CDYL: variants seen among roughly 807,000 people sequenced by gnomAD.
The protein encoded by CDYL is chromodomain Y-like protein.
In CDYL, 8 loss-of-function variants were observed where a neutral mutation model predicts 47.3. The ratio of observed to expected loss-of-function variants is 0.17; its 90% CI spans 0.10 to 0.31. The LOEUF (loss-of-function observed/expected upper bound fraction) is 0.31, where lower values mean the gene tolerates loss of function less well. Ranked by LOEUF, CDYL falls within the 10% of genes least tolerant of loss-of-function variation. The pLI, the probability that CDYL is intolerant of heterozygous loss-of-function variation, is 1.00. For missense variants in CDYL, 471 were observed against 701.4 expected, an observed-to-expected ratio of 0.67 and a Z score of 3.71; for synonymous variants, 266 against 265.0, an observed-to-expected ratio of 1.00 and a Z score of -0.04.
chr6:4,874,724 C>T (rs1447152981), intron 1 of CDYL, among the ~76,000 whole-genome samples: 12 of 152,230 alleles, frequency 7.9e-5, no homozygotes, highest in Non-Finnish European at 1.8e-4. Context: ...GGGCTCCCAT[C>T]GCCCCATCAC....
chr6:4,762,522 T>G (rs1223873011), intron 3 of CDYL, among the ~76,000 whole-genome samples: 1 of 151,136 alleles, frequency 6.6e-6, no homozygotes, highest in Non-Finnish European at 1.5e-5. Context: ...GACTTCAAAC[T>G]AATGATCTTA....
chr6:4,746,435 A>G (rs1384577641), intron 3 of CDYL, among the ~76,000 whole-genome samples: 3 of 152,150 alleles, frequency 2.0e-5, no homozygotes, highest in Non-Finnish European at 4.4e-5. Context: ...AATGAAGGAA[A>G]TCAATGAGTC....
intron 1 of CDYL, among the ~76,000 whole-genome samples, chr6:4,887,831 ATTCCT>A (rs1284496738): frequency 6.8e-6 from 1 of 147,546 alleles, no homozygotes; most frequent in Non-Finnish European, 1.5e-5. Context: ...TTTTTCATAG[ATTCCT>A]TTTATTAAGT....
At position 4,915,042 on chromosome 6, in the gene CDYL, T is replaced by C. The variant is rs191437161; in HGVS notation, c.692-20473T>C. On this transcript the variant is annotated intron_variant, in intron 2 of 6. Transcript: ENST00000397588. ...GAACACACATCTCTGTCTTGTGTGC[T>C]GGGGCTGGCCCAACCTCGTAGATCA... Among the ~76,000 whole-genome samples, 493 of 152,354 alleles carry C rather than the reference T, an allele frequency of 3.2e-3. 1 individual carries two copies. Among genetic ancestry groups the C allele is most frequent in the African/African-American group, 0.011 (477 of 41,586 alleles).
chr6:4,883,193 A>G lies in CDYL; in HGVS notation c.25-8520A>G, dbSNP rs571257105. 2.2e-3 allele frequency among the ~76,000 whole-genome samples: 332 copies of G among 152,304 alleles called. 1 individual carries two copies. The highest frequency in any genetic ancestry group is 7.4e-3 in the African/African-American group (307 of 41,558). On this transcript the variant is annotated intron_variant, in intron 1 of 6. Transcript: ENST00000397588. The stretch of plus-strand genomic sequence containing the variant: ...ATTTTGTCCTGGTGGAAGGAGAGCA[A>G]CAATGCTAGTACCTAGGGAAGTGGG...
intron 1 of CDYL, among the ~76,000 whole-genome samples, chr6:4,806,275 A>G (rs1759367753): frequency 6.6e-6 from 1 of 152,224 alleles, no homozygotes; most frequent in African/African-American, 2.4e-5. Flanking sequence ...AGCGTCACCC[A>G]GGATTTCAGA....
At chr6:4,910,171 T>C (rs952010627) in intron 2 of CDYL, among the ~76,000 whole-genome samples, 1 of 152,172 alleles carries the variant, frequency 6.6e-6, no homozygotes, top group African/African-American at 2.4e-5. Flanking sequence ...GCATGCTTAA[T>C]GTGTTGGTTT....
chr6:4,951,916 A>G (rs809476), intron 5 of CDYL, among the ~76,000 whole-genome samples: 146,049 of 152,238 alleles, frequency 0.96, 70,338 homozygotes, highest in East Asian at 1. Context: ...AAGGCAGATG[A>G]GAGGAGAGGA....
intron 1 of CDYL, among the ~76,000 whole-genome samples, chr6:4,854,024 T>C (rs1760930894): frequency 6.6e-6 from 1 of 152,258 alleles, no homozygotes; most frequent in African/African-American, 2.4e-5. Context: ...CTCCTGCTCG[T>C]GGTGAGTCCC....
chr6:4,840,635 T>G (rs956731404), intron 1 of CDYL, among the ~76,000 whole-genome samples: 5 of 152,200 alleles, frequency 3.3e-5, no homozygotes, highest in African/African-American at 1.2e-4. Flanking sequence ...CAAATGCTTT[T>G]TCTGCTCTAT....
chr6:4,889,866 GC>G, intron 1 of CDYL: 1 of 610,140 alleles, frequency 1.6e-6, no homozygotes, highest in Non-Finnish European at 2.1e-6. Context: ...CCTACCGTTA[GC>G]TGCGGAGGCT....
At chr6:4,815,925 T>C (rs1193417550) in intron 1 of CDYL, among the ~76,000 whole-genome samples, 2 of 151,576 alleles carry the variant, frequency 1.3e-5, no homozygotes, top group Non-Finnish European at 2.9e-5. Flanking sequence ...CTTTTCTTTA[T>C]CAACATTATA....
chr6:4,735,949 T>A lies in CDYL; in HGVS notation c.186+1105T>A, dbSNP rs1757696023. Among the ~76,000 whole-genome samples the A allele has an allele frequency of 2.0e-5, 3 of 151,880 alleles. No homozygotes were observed. In the South Asian group the frequency reaches 6.2e-4, roughly 32 times the overall value. ...AGCACCTAACAGTTAAGATCTACCC[T>A]CTTGGTAAATGCTCAAGTATGCAAG... On this transcript the variant is annotated intron_variant, in intron 3 of 8. Transcript: ENST00000328908.
chr6:4,720,566 G>A (rs1757349469), intron 2 of CDYL, among the ~76,000 whole-genome samples: 1 of 152,116 alleles, frequency 6.6e-6, no homozygotes, highest in Non-Finnish European at 1.5e-5. Flanking sequence ...CTACCAAAGG[G>A]AGCCATCCTA....
intron 1 of CDYL, among the ~76,000 whole-genome samples, chr6:4,817,503 T>TTTGA (rs1326636304): frequency 1.3e-5 from 2 of 152,206 alleles, no homozygotes; most frequent in Non-Finnish European, 2.9e-5. Context: ...ACTTAGCTCA[T>TTTGA]TTGATAGAAA....
At chr6:4,944,677 A>G (rs2127525521) in intron 5 of CDYL, among the ~76,000 whole-genome samples, 1 of 152,314 alleles carries the variant, frequency 6.6e-6, no homozygotes, top group East Asian at 1.9e-4. Context: ...AACTTAGAGG[A>G]AGAAGATTAG....
intron 4 of CDYL, among the ~76,000 whole-genome samples, chr6:4,938,678 C>T (rs992748617): frequency 5.9e-5 from 9 of 152,160 alleles, no homozygotes; most frequent in Non-Finnish European, 7.4e-5. Flanking sequence ...ATGTCTTGAT[C>T]TAAGCATTTT....
chr6:4,805,437 G>A (rs1275848254), intron 1 of CDYL, among the ~76,000 whole-genome samples: 3 of 152,206 alleles, frequency 2.0e-5, no homozygotes, highest in Admixed American at 1.3e-4. Flanking sequence ...TGTTGGAGAG[G>A]TGTTTAGGAT....
intron 1 of CDYL, among the ~76,000 whole-genome samples, chr6:4,819,162 C>CTCTGTGTGTGTGTGTGTGTG (rs1016051589): frequency 8.9e-6 from 1 of 111,944 alleles, no homozygotes; most frequent in African/African-American, 4.8e-5. Flanking sequence ...CTCTCTCTCT[C>CTCTGTGTGTGTGTGTGTGTG]TGTGTGTGTG....
Sources: gnomAD v4.1 joint callset for allele counts (sites outside exome capture counted in the v4.1 genomes callset) on GRCh38, gnomAD v4.1.1 for gene constraint, MANE v1.5 for transcripts, NCBI Gene and HGNC (gene_info 2026-07-23, HGNC 2026-07-21) for gene names.